The following NAALADL2 variants were observed in gnomAD, a reference collection of about 807,000 sequenced individuals.
The protein encoded by NAALADL2 is inactive N-acetylated-alpha-linked acidic dipeptidase-like protein 2.
Under a neutral mutation model 87.2 loss-of-function variants are expected in NAALADL2, and 76 were observed. The ratio of observed to expected loss-of-function variants is 0.87; its 90% CI spans 0.72 to 1.05. The LOEUF is 1.05. NAALADL2 is among the 50% of genes least tolerant of loss of function. The probability of loss-of-function intolerance (pLI) is 0.00; values close to 1 mark genes in which losing one functional copy is unlikely to be tolerated. For missense variants in NAALADL2, 1,089 were observed against 945.8 expected (o/e 1.15, Z -1.99); for synonymous variants, 354 against 331.0 (o/e 1.07, Z -0.75).
chr3:175,288,088 T>C lies in NAALADL2; in HGVS notation c.939+31558T>C, dbSNP rs546684594. Among the ~76,000 whole-genome samples, 4 of 152,270 alleles carry C rather than the reference T, an allele frequency of 2.6e-5. No individual in the cohort carries two copies. The East Asian group carries it at 7.7e-4, about 29-fold the overall frequency. On this transcript the variant is annotated intron_variant, in intron 4 of 13. Coordinates refer to ENST00000454872, the MANE Select transcript of NAALADL2 (RefSeq NM_207015.3). The stretch of plus-strand genomic sequence containing the variant: ...GATTCAGACATGTCTACATGTTTTT[T>C]TGTTTTTCTTGAGACCAGAGTCTCA...
chr3:174,625,063 T>C (rs892145951), intron 2 of NAALADL2, among the ~76,000 whole-genome samples: 152 of 136,330 alleles, frequency 1.1e-3, no homozygotes, highest in African/African-American at 2.3e-3. Flanking sequence ...CTCTCTTTTT[T>C]TTTTTTTTTT....
intron 4 of NAALADL2, among the ~76,000 whole-genome samples, chr3:175,315,845 C>T (rs1222216960): frequency 6.6e-6 from 1 of 151,962 alleles, no homozygotes; most frequent in African/African-American, 2.4e-5. Context: ...TCCCATAAAC[C>T]ACATCATAAC....
intron 1 of NAALADL2, among the ~76,000 whole-genome samples, chr3:174,869,811 A>ACATGGTGAAACC (rs1727582357): frequency 6.6e-6 from 1 of 152,100 alleles, no homozygotes; most frequent in African/African-American, 2.4e-5. Context: ...GCCTAGGTCA[A>ACATGGTGAAACC]CATGGTGAAA....
chr3:175,385,669 G>A (rs1056856896), intron 5 of NAALADL2, among the ~76,000 whole-genome samples: 2 of 152,080 alleles, frequency 1.3e-5, no homozygotes, highest in African/African-American at 4.8e-5. Flanking sequence ...TATTTCAGGT[G>A]ACGGGTCTCC....
chr3:175,686,542 A>G (rs1216273530), intron 11 of NAALADL2, among the ~76,000 whole-genome samples: 1 of 152,144 alleles, frequency 6.6e-6, no homozygotes, highest in Non-Finnish European at 1.5e-5. Flanking sequence ...ATACATATTA[A>G]TACTCTTTTA....
chr3:175,768,671 G>A (rs374861652), intron 13 of NAALADL2, among the ~76,000 whole-genome samples: 8 of 152,186 alleles, frequency 5.3e-5, no homozygotes, highest in African/African-American at 1.4e-4. Context: ...CTAACATGGC[G>A]AAAGCCCGTC....
chr3:175,724,218 C>T (rs1315330363), intron 11 of NAALADL2, among the ~76,000 whole-genome samples: 1 of 151,994 alleles, frequency 6.6e-6, no homozygotes, highest in South Asian at 2.1e-4. Context: ...TACTAAAATT[C>T]TTGAATTGTT....
At chr3:175,643,465 T>A (rs967909926) in intron 11 of NAALADL2, among the ~76,000 whole-genome samples, 1 of 152,184 alleles carries the variant, frequency 6.6e-6, no homozygotes, top group African/African-American at 2.4e-5. Flanking sequence ...AAGACTAGAA[T>A]AGCCTGTTGA....
At chr3:175,257,378 T>TC in intron 4 of NAALADL2, among the ~76,000 whole-genome samples, 1 of 151,450 alleles carries the variant, frequency 6.6e-6, no homozygotes, top group East Asian at 1.9e-4. Flanking sequence ...TCTGTTTTTT[T>TC]TTTATTATCT....
chr3:175,750,263 T>C (rs1244933462), intron 12 of NAALADL2, among the ~76,000 whole-genome samples: 2 of 152,142 alleles, frequency 1.3e-5, no homozygotes, highest in African/African-American at 4.8e-5. Context: ...AGGATGATCG[T>C]TGGCTAGAAG....
chr3:174,790,126 G>A (rs569648263), intron 3 of NAALADL2, among the ~76,000 whole-genome samples: 37 of 152,202 alleles, frequency 2.4e-4, no homozygotes, highest in Non-Finnish European at 4.6e-4. Flanking sequence ...CAACGATGAA[G>A]TGGGGTTTCT....
intron 3 of NAALADL2, among the ~76,000 whole-genome samples, chr3:174,825,788 G>C (rs1721912506): frequency 6.6e-6 from 1 of 152,152 alleles, no homozygotes; most frequent in Non-Finnish European, 1.5e-5. Flanking sequence ...AGCACTTTGG[G>C]AGGCCGAGGT....
At chr3:175,783,687 C>T (rs1051849172) in intron 13 of NAALADL2, among the ~76,000 whole-genome samples, 3 of 151,380 alleles carry the variant, frequency 2.0e-5, no homozygotes, top group Non-Finnish European at 4.4e-5. Flanking sequence ...AATTGAATAC[C>T]CTTTATTTCC....
intron 11 of NAALADL2, among the ~76,000 whole-genome samples, chr3:175,725,552 T>C (rs1030199421): frequency 3.9e-5 from 6 of 152,178 alleles, no homozygotes; most frequent in African/African-American, 1.4e-4. Flanking sequence ...CCCTTGATTA[T>C]TCCTTAGAAT....
At chr3:174,997,833 A>AAAC (rs60367540) in intron 1 of NAALADL2, among the ~76,000 whole-genome samples, 10,170 of 141,946 alleles carry the variant, frequency 0.072, 798 homozygotes, top group African/African-American at 0.24. Flanking sequence ...ACCAAAAAGC[A>AAAC]AACAACAACA....
intron 1 of NAALADL2, among the ~76,000 whole-genome samples, chr3:175,085,504 T>C (rs1718708751): frequency 6.6e-6 from 1 of 152,192 alleles, no homozygotes; most frequent in Non-Finnish European, 1.5e-5. Context: ...TCTCAAGTGT[T>C]ATAAATTACT....
In NAALADL2 at chr3:175,202,560, A is replaced by G. The variant is rs541269174; in HGVS notation, c.546-31371A>G. Among the ~76,000 whole-genome samples the G allele has an allele frequency of 5.3e-4, 80 of 152,308 alleles. 1 individual carries two copies. Among genetic ancestry groups the G allele is most frequent in the African/African-American group, 1.8e-3 (75 of 41,578 alleles). On this transcript the variant is annotated intron_variant, in intron 2 of 13. Transcript: ENST00000454872. ...GCTTGGCCAACTAGACTCAAAGGGC[A>G]TAGAGATTTAATGCTCTATTTTTGT...
At chr3:174,620,085 C>T (rs1720850448) in intron 2 of NAALADL2, among the ~76,000 whole-genome samples, 3 of 151,910 alleles carry the variant, frequency 2.0e-5, no homozygotes, top group Admixed American at 2.0e-4. Flanking sequence ...TACCCCGATC[C>T]ACAGGTAACT....
At chr3:174,526,358 G>A (rs572451854) in intron 1 of NAALADL2, among the ~76,000 whole-genome samples, 1 of 152,180 alleles carries the variant, frequency 6.6e-6, no homozygotes, top group African/African-American at 2.4e-5. Flanking sequence ...CTTACTAGCT[G>A]TGTGACTTTG....
Sources: allele counts gnomAD v4.1 joint callset (sites outside exome capture counted in the v4.1 genomes callset), GRCh38; gene constraint gnomAD v4.1.1; transcripts MANE v1.5; gene names NCBI Gene and HGNC (gene_info 2026-07-23, HGNC 2026-07-21).